Variants in MAP3K20 observed in about 807,000 individuals in gnomAD.
MAP3K20 encodes the protein mitogen-activated protein kinase kinase kinase 20, also known as HCCS-4.
In MAP3K20, 40 loss-of-function variants were observed where a neutral mutation model predicts 85.7. The observed-to-expected ratio is 0.47, with a 90% CI of 0.36 to 0.61. The LOEUF (loss-of-function observed/expected upper bound fraction) is 0.61. MAP3K20 is among the 20% of genes least tolerant of loss of function. MAP3K20 has a pLI of 0.00. For synonymous variants in MAP3K20, 325 were observed against 327.7 expected (o/e 0.99, Z 0.09); for missense variants, 817 against 961.7 (o/e 0.85, Z 1.99).
intron 2 of MAP3K20, among the ~76,000 whole-genome samples, chr2:173,152,089 T>C (rs1165026023): frequency 1.3e-5 from 2 of 152,176 alleles, no homozygotes; most frequent in Admixed American, 6.5e-5. Flanking sequence ...CTGGAAAACA[T>C]GTTGATGTTC....
intron 11 of MAP3K20, chr2:173,224,097 C>G (rs1684323577): frequency 2.3e-6 from 2 of 866,242 alleles, no homozygotes; most frequent in African/African-American, 3.7e-5. Context: ...ATAAATAAAG[C>G]AAATGCATCA....
chr2:173,257,922 T>C lies in MAP3K20; in HGVS notation c.1360-777T>C, dbSNP rs150556377. Among the ~76,000 whole-genome samples, 5 of 152,336 alleles carry C rather than the reference T, an allele frequency of 3.3e-5. No homozygotes were observed. The East Asian group carries it at 9.6e-4, about 29-fold the overall frequency. ...GGTAACGAATGGTGTAAAGCACTTT[T>C]TCATTATATGGTGATTTTATTAAAA... On this transcript the variant is annotated intron_variant, in intron 16 of 19. Coordinates refer to ENST00000375213, the MANE Select transcript of MAP3K20 (RefSeq NM_016653.3).
At position 173,203,717 on chromosome 2, in the gene MAP3K20, C is replaced by A. The variant is rs1219505694; in HGVS notation, c.670-79C>A. On this transcript the variant is annotated intron_variant, in intron 8 of 19. Transcript: ENST00000375213. ...TGTTCTTAAAATAACTCTATTATGA[C>A]CCTTCAGATACGGTGTTTGCTGACA... 4 of 1,074,692 alleles carry A rather than the reference C, an allele frequency of 3.7e-6. No homozygotes were observed. In the Admixed American group the frequency reaches 6.8e-5, roughly 18 times the overall value. The allele number at this position is 1,074,692 out of a possible 1,614,324, so 66.6% of individuals were successfully genotyped here. A position where few individuals can be genotyped will look rare whatever the true frequency, so the allele number is the denominator to read the frequency against.
chr2:173,172,466 G>A (rs151297633), intron 3 of MAP3K20, among the ~76,000 whole-genome samples: 8 of 152,184 alleles, frequency 5.3e-5, no homozygotes, highest in African/African-American at 1.9e-4. Context: ...GTGAGATCTT[G>A]TCTTGATTCT....
rs1272177976 is a variant in MAP3K20 at position 173,198,094 on chromosome 2, T to C, written c.651T>C (p.Leu217=). 3 of 1,613,022 alleles carry C rather than the reference T, an allele frequency of 1.9e-6. No homozygotes were observed. The highest frequency in any genetic ancestry group is 2.2e-5 in the East Asian group (1 of 44,786). Residue 217 remains leucine (L), a synonymous_variant, in exon 8 of 20, where the codon CTT becomes CTC. Coordinates refer to ENST00000375213, the MANE Select transcript of MAP3K20 (RefSeq NM_016653.3). This position sits in a 1 kb window ranked among gnomAD's most constrained non-coding sequence, Gnocchi z 5.8. ...KGLEGLQVAW[L]VVEKNERLTI... is the part of the protein sequence containing the mutation. ...TGGAAGGATTACAAGTAGCTTGGCT[T>C]GTAGTGGAAAAAAACGAGGTAAGAC... is the stretch of plus-strand genomic sequence containing the variant.
At chr2:173,221,067 A>G (rs1450317774) in intron 11 of MAP3K20, 1 of 1,247,352 alleles carries the variant, frequency 8.0e-7, no homozygotes, top group Non-Finnish European at 1.1e-6. Context: ...TGTAGTGCCA[A>G]CTAATTTTGT....
chr2:173,150,999 T>C (rs1420034301), intron 2 of MAP3K20, among the ~76,000 whole-genome samples: 2 of 152,198 alleles, frequency 1.3e-5, no homozygotes, highest in East Asian at 1.9e-4. Context: ...ATTTTACATA[T>C]AAAGAACACA....
At chr2:173,106,862 G>A (rs535505742) in intron 2 of MAP3K20, among the ~76,000 whole-genome samples, 20 of 152,288 alleles carry the variant, frequency 1.3e-4, no homozygotes, top group Non-Finnish European at 2.5e-4. Context: ...CAAGTAGGGG[G>A]CCTGGATTTT....
At chr2:173,263,693 A>G in intron 18 of MAP3K20, 52 bp from the exon 19 acceptor site, 1 of 1,551,938 alleles carries the variant, frequency 6.4e-7, no homozygotes, top group Non-Finnish European at 8.8e-7. Flanking sequence ...CTATTTGGTC[A>G]TATGTTTCTA....
chr2:173,236,011 A>G (rs1198381646), intron 14 of MAP3K20, among the ~76,000 whole-genome samples: 1 of 152,198 alleles, frequency 6.6e-6, no homozygotes, highest in Non-Finnish European at 1.5e-5. Flanking sequence ...CAAGCCTGTA[A>G]TCCCAGCACT....
rs537157500 is a variant in MAP3K20 at position 173,129,792 on chromosome 2, G to A, written c.159+38602G>A. On this transcript the variant is annotated intron_variant, in intron 2 of 19. Transcript: ENST00000375213. ...TTGGAATTGCCTTTTCTAAAATTAC[G>A]CATAATCAGAAATTATAATTGAAGC... 4.6e-5 allele frequency among the ~76,000 whole-genome samples: 7 copies of A among 152,238 alleles called. No individual in the cohort carries two copies. In the East Asian group the frequency reaches 9.6e-4, roughly 21 times the overall value.
intron 10 of MAP3K20, among the ~76,000 whole-genome samples, chr2:173,213,239 G>A (rs1454193922): frequency 2.0e-5 from 3 of 151,956 alleles, no homozygotes; most frequent in Non-Finnish European, 4.4e-5. Context: ...GAAAGTGAGG[G>A]AAATAAAATT....
At chr2:173,117,700 G>T (rs1688165504) in intron 2 of MAP3K20, among the ~76,000 whole-genome samples, 2 of 152,190 alleles carry the variant, frequency 1.3e-5, no homozygotes, top group Admixed American at 1.3e-4. Context: ...CTCTGAAGGA[G>T]TACTCATCTA....
intron 2 of MAP3K20, among the ~76,000 whole-genome samples, chr2:173,134,401 T>TAC (rs1559245918): frequency 1.1e-4 from 1 of 9,128 alleles, no homozygotes; most frequent in African/African-American, 3.5e-4. Context: ...TACATATATA[T>TAC]ATATATATAT....
At chr2:173,216,508 G>GT (rs140318842) in intron 10 of MAP3K20, among the ~76,000 whole-genome samples, 44,454 of 139,496 alleles carry the variant, frequency 0.32, 7,962 homozygotes, top group Non-Finnish European at 0.44. Context: ...GGGTTCTGGT[G>GT]TGTTTTTTTT....
In MAP3K20 at chr2:173,114,682, A is replaced by G. The variant is rs543336281; in HGVS notation, c.159+23492A>G. On this transcript the variant is annotated intron_variant, in intron 2 of 19. Transcript: ENST00000375213. ...CATGTGCTTAGCTTCACTCGATACA[A>G]AATTCTTGGCTGATAATTGTTTTGT... Among the ~76,000 whole-genome samples, 25 of 152,308 alleles carry G rather than the reference A, an allele frequency of 1.6e-4. 1 individual carries two copies. In the Middle Eastern group the frequency reaches 0.014, roughly 83 times the overall value.
At chr2:173,181,751 T>C (rs934818447) in intron 3 of MAP3K20, among the ~76,000 whole-genome samples, 1 of 152,020 alleles carries the variant, frequency 6.6e-6, no homozygotes, top group Admixed American at 6.6e-5. Context: ...TGAGTGAACT[T>C]TGAAAACATT....
intron 2 of MAP3K20, among the ~76,000 whole-genome samples, chr2:173,152,558 A>G (rs1689338798): frequency 6.6e-6 from 1 of 152,210 alleles, no homozygotes; most frequent in Non-Finnish European, 1.5e-5. Context: ...GAATGCTCTT[A>G]AAGGAGCCCT....
Position 173,198,119 on chromosome 2 carries a change from C to T in MAP3K20, c.669+7C>T. On this transcript the variant is annotated splice_region_variant and intron_variant, in intron 8 of 19. Coordinates refer to ENST00000375213, the MANE Select transcript of MAP3K20 (RefSeq NM_016653.3). This position sits in a 1 kb window ranked among gnomAD's most constrained non-coding sequence, Gnocchi z 5.8. ...TGTAGTGGAAAAAAACGAGGTAAGA[C>T]TACGTTTCTCCATTCAGGTACATAG... 1 of 1,610,680 alleles carries T rather than the reference C, an allele frequency of 6.2e-7. No individual in the cohort carries two copies. The highest frequency in any genetic ancestry group is 8.5e-7 in the Non-Finnish European group (1 of 1,177,834).
Sources: gnomAD v4.1 joint callset for allele counts (sites outside exome capture counted in the v4.1 genomes callset) on GRCh38, gnomAD v4.1.1 for gene constraint, Gnocchi (gnomAD v3.1) non-coding constraint, MANE v1.5 for transcripts, NCBI Gene and HGNC (gene_info 2026-07-23, HGNC 2026-07-21) for gene names.